OPCML: variants seen among roughly 807,000 people sequenced by gnomAD.
OPCML encodes the protein opioid binding protein/cell adhesion molecule like, also known as opioid-binding protein/cell adhesion molecule.
In OPCML, 13 loss-of-function variants were observed where a neutral mutation model predicts 37.8. The ratio of observed to expected loss-of-function variants is 0.34; its 90% CI spans 0.22 to 0.55. The LOEUF (loss-of-function observed/expected upper bound fraction) is 0.55, where lower values mean the gene tolerates loss of function less well. Among genes scored for constraint, OPCML ranks in the 20% least tolerant of loss-of-function variants. The pLI is 0.91. For missense variants in OPCML, 341 were observed against 435.6 expected (o/e 0.78, Z 1.93); for synonymous variants, 176 against 168.8 (o/e 1.04, Z -0.33).
chr11:132,753,718 G>A (rs1165705289), intron 2 of OPCML, among the ~76,000 whole-genome samples: 2 of 152,164 alleles, frequency 1.3e-5, no homozygotes, highest in African/African-American at 4.8e-5. Context: ...TAAGATCAGT[G>A]AAAACTTCCT....
intron 2 of OPCML, among the ~76,000 whole-genome samples, chr11:132,844,880 C>A (rs1941452151): frequency 6.7e-6 from 1 of 149,966 alleles, no homozygotes; most frequent in African/African-American, 2.5e-5. Flanking sequence ...ACAAGTGAAC[C>A]TATATACTTG....
chr11:133,134,330 T>G (rs1949649245), intron 1 of OPCML, among the ~76,000 whole-genome samples: 1 of 152,110 alleles, frequency 6.6e-6, no homozygotes, highest in African/African-American at 2.4e-5. Flanking sequence ...ATCTACAAAA[T>G]GAAATCCACA....
At chr11:133,070,866 G>A (rs1006577976) in intron 1 of OPCML, among the ~76,000 whole-genome samples, 2 of 152,194 alleles carry the variant, frequency 1.3e-5, no homozygotes. Context: ...CACCTGGGCA[G>A]GAGAGTTCAT....
At chr11:133,087,017 T>G (rs946096666) in intron 1 of OPCML, among the ~76,000 whole-genome samples, 7 of 152,168 alleles carry the variant, frequency 4.6e-5, no homozygotes, top group Non-Finnish European at 1.0e-4. Context: ...AGATTGCACT[T>G]AGAGTCAAAC....
At chr11:132,828,160 A>G (rs35152313) in intron 2 of OPCML, among the ~76,000 whole-genome samples, 10,777 of 152,194 alleles carry the variant, frequency 0.071, 434 homozygotes, top group Non-Finnish European at 0.082. Context: ...ATCATATACT[A>G]TATAGTCCCA....
chr11:132,647,132 G>A (rs1941191185), intron 3 of OPCML, among the ~76,000 whole-genome samples: 1 of 152,118 alleles, frequency 6.6e-6, no homozygotes, highest in African/African-American at 2.4e-5. Flanking sequence ...AGGAAGTTAA[G>A]CTAGAAGCTG....
At chr11:133,009,256 T>C in intron 1 of OPCML, 1 of 984,470 alleles carries the variant, frequency 1.0e-6, no homozygotes, top group African/African-American at 1.7e-5. Context: ...CGGACATAAA[T>C]ACTTGCTTGT....
At chr11:132,509,434 G>A (rs1208024664) in intron 4 of OPCML, among the ~76,000 whole-genome samples, 4 of 152,182 alleles carry the variant, frequency 2.6e-5, no homozygotes, top group Non-Finnish European at 5.9e-5. Flanking sequence ...CCAAGACCAT[G>A]GGGGAAATGT....
At position 133,173,931 on chromosome 11, in the gene OPCML, C is replaced by T. The variant is rs1293322106; in HGVS notation, c.62-230921G>A. Among the ~76,000 whole-genome samples, 1 of 152,174 alleles carries T rather than the reference C, an allele frequency of 6.6e-6. No individual in the cohort carries two copies. The highest frequency in any genetic ancestry group is 1.5e-5 in the Non-Finnish European group (1 of 68,024). ...GGGGCCGGCCGGCACTGGAGCAGCC[C>T]TCTCCCTCCATCCATTCTACAAGGA... On this transcript the variant is annotated intron_variant, in intron 1 of 7. Coordinates refer to ENST00000524381, the MANE Select transcript of OPCML (RefSeq NM_001012393.5). The surrounding 1 kb of genome is among the most constrained non-coding windows in gnomAD (Gnocchi z 7.8).
At chr11:133,223,273 C>T (rs1939910532) in intron 1 of OPCML, among the ~76,000 whole-genome samples, 2 of 152,176 alleles carry the variant, frequency 1.3e-5, no homozygotes, top group African/African-American at 4.8e-5. Flanking sequence ...ACAGAAAAGT[C>T]CTTTACAACC....
chr11:132,905,555 A>T (rs1250214715), intron 2 of OPCML, among the ~76,000 whole-genome samples: 2 of 152,158 alleles, frequency 1.3e-5, no homozygotes, highest in Non-Finnish European at 2.9e-5. Flanking sequence ...CTGACTCCAG[A>T]GCCCAAATTT....
chr11:132,827,835 G>A (rs1022171912), intron 2 of OPCML, among the ~76,000 whole-genome samples: 4 of 150,724 alleles, frequency 2.7e-5, no homozygotes, highest in Non-Finnish European at 4.4e-5. Context: ...TAGTAGAGAC[G>A]GGGTTTCACC....
chr11:132,688,612 G>C (rs1020348942), intron 2 of OPCML, among the ~76,000 whole-genome samples: 2 of 152,052 alleles, frequency 1.3e-5, no homozygotes, highest in Non-Finnish European at 2.9e-5. Flanking sequence ...GATGGAATTG[G>C]TACTGGATAA....
At chr11:133,291,697 G>A (rs1341338262) in intron 1 of OPCML, among the ~76,000 whole-genome samples, 1 of 152,218 alleles carries the variant, frequency 6.6e-6, no homozygotes, top group East Asian at 1.9e-4. Flanking sequence ...GTATTCCACA[G>A]CTGCTTTTGA....
At chr11:132,619,799 C>A (rs933767408) in intron 3 of OPCML, among the ~76,000 whole-genome samples, 11 of 139,560 alleles carry the variant, frequency 7.9e-5, no homozygotes, top group Non-Finnish European at 1.5e-4. Flanking sequence ...TTGCAGCGAG[C>A]GGAGATCTCG....
chr11:132,907,235 C>T (rs1265418687), intron 2 of OPCML, among the ~76,000 whole-genome samples: 3 of 152,190 alleles, frequency 2.0e-5, no homozygotes, highest in South Asian at 2.1e-4. Context: ...AACACTCTAA[C>T]GGTAAAAGCT....
At chr11:133,428,793 T>C (rs1191959912) in intron 1 of OPCML, among the ~76,000 whole-genome samples, 1 of 152,152 alleles carries the variant, frequency 6.6e-6, no homozygotes, top group Non-Finnish European at 1.5e-5. Context: ...GAAATTCCAA[T>C]AAAAAAATCA....
At chr11:133,150,709 TC>T (rs1189178021) in intron 1 of OPCML, among the ~76,000 whole-genome samples, 1 of 152,004 alleles carries the variant, frequency 6.6e-6, no homozygotes, top group African/African-American at 2.4e-5. Context: ...AAAATCTTCC[TC>T]CTCTCTCTTT....
intron 3 of OPCML, among the ~76,000 whole-genome samples, chr11:132,584,708 T>C (rs1350565500): frequency 6.6e-6 from 1 of 152,090 alleles, no homozygotes; most frequent in Admixed American, 6.5e-5. Flanking sequence ...GATTCCCCAA[T>C]AATACAGGCC....
Sources: gnomAD v4.1 joint callset for allele counts (sites outside exome capture counted in the v4.1 genomes callset) on GRCh38, gnomAD v4.1.1 for gene constraint, Gnocchi (gnomAD v3.1) non-coding constraint, MANE v1.5 for transcripts, NCBI Gene and HGNC (gene_info 2026-07-23, HGNC 2026-07-21) for gene names.